The following PLCB1 variants were observed in gnomAD, a reference collection of about 807,000 sequenced individuals.
PLCB1 encodes the protein phospholipase C beta 1.
Under a neutral mutation model 161.8 loss-of-function variants are expected in PLCB1, and 46 were observed. That is an observed-to-expected ratio of 0.28 (90% CI 0.22 to 0.36). PLCB1 has a LOEUF of 0.36. PLCB1 is among the 10% of genes least tolerant of loss of function. PLCB1 has a pLI of 1.00. For synonymous variants in PLCB1, 517 were observed against 503.7 expected (o/e 1.03, Z -0.35); for missense variants, 1,016 against 1,472.5 (o/e 0.69, Z 5.07).
chr20:8,754,419 T>A (rs1981637846), intron 23 of PLCB1, among the ~76,000 whole-genome samples: 1 of 151,840 alleles, frequency 6.6e-6, no homozygotes, highest in Admixed American at 6.6e-5. Flanking sequence ...GCCACCATTA[T>A]TACTTTCACA....
chr20:8,192,203 T>C (rs1261557325), intron 2 of PLCB1, among the ~76,000 whole-genome samples: 1 of 152,036 alleles, frequency 6.6e-6, no homozygotes, highest in African/African-American at 2.4e-5. Flanking sequence ...TAAAAGCCTC[T>C]TCCTGAAGAC....
chr20:8,539,487 T>A (rs1985185501), intron 3 of PLCB1, among the ~76,000 whole-genome samples: 1 of 152,172 alleles, frequency 6.6e-6, no homozygotes, highest in Non-Finnish European at 1.5e-5. Flanking sequence ...GAATTAAAGA[T>A]GATTAACAAG....
At chr20:8,551,620 C>A (rs541337480) in intron 3 of PLCB1, among the ~76,000 whole-genome samples, 15 of 152,238 alleles carry the variant, frequency 9.9e-5, no homozygotes, top group Middle Eastern at 3.4e-3. Context: ...AGCCCTCAAA[C>A]CATGATCTAT....
At chr20:8,571,057 T>C (rs1260602911) in intron 3 of PLCB1, among the ~76,000 whole-genome samples, 1 of 152,220 alleles carries the variant, frequency 6.6e-6, no homozygotes, top group Non-Finnish European at 1.5e-5. Flanking sequence ...GAATGGTATG[T>C]AGGCACCAGG....
chr20:8,790,334 T>C, intron 31 of PLCB1, 73 bp downstream of exon 31: 1 of 1,097,186 alleles, frequency 9.1e-7, no homozygotes, highest in South Asian at 1.3e-5. Flanking sequence ...ACCTTCCTGG[T>C]TTACATAAGT....
chr20:8,245,228 T>C (rs138440164), intron 2 of PLCB1, among the ~76,000 whole-genome samples: 80 of 151,980 alleles, frequency 5.3e-4, no homozygotes, highest in Middle Eastern at 3.4e-3. Flanking sequence ...CTCTCTATTG[T>C]CACAACCTAT....
At chr20:8,668,855 A>T (rs1334000955) in intron 9 of PLCB1, among the ~76,000 whole-genome samples, 1 of 152,360 alleles carries the variant, frequency 6.6e-6, no homozygotes, top group East Asian at 1.9e-4. Context: ...TATAAAAAGG[A>T]TATTCCCACC....
intron 11 of PLCB1, among the ~76,000 whole-genome samples, chr20:8,706,272 C>G (rs1333787059): frequency 6.6e-6 from 1 of 152,132 alleles, no homozygotes; most frequent in Non-Finnish European, 1.5e-5. Flanking sequence ...ATACACAGGC[C>G]CTTGGCCAAA....
intron 2 of PLCB1, among the ~76,000 whole-genome samples, chr20:8,214,213 G>A (rs773517332): frequency 5.3e-5 from 8 of 152,148 alleles, no homozygotes; most frequent in South Asian, 4.1e-4. Context: ...GATCTGTGTC[G>A]CTGCACAAAT....
At chr20:8,330,048 G>A (rs569243001) in intron 2 of PLCB1, among the ~76,000 whole-genome samples, 5 of 152,032 alleles carry the variant, frequency 3.3e-5, no homozygotes, top group South Asian at 4.2e-4. Context: ...TTCTTTCCTC[G>A]GGCAAAAACC....
At chr20:8,878,923 T>C (rs902898481) in intron 31 of PLCB1, among the ~76,000 whole-genome samples, 2 of 152,104 alleles carry the variant, frequency 1.3e-5, no homozygotes, top group African/African-American at 4.8e-5. Flanking sequence ...ATAAACATAG[T>C]ACCCAGCAAT....
chr20:8,433,519 C>G (rs1980152517), intron 3 of PLCB1, among the ~76,000 whole-genome samples: 1 of 146,890 alleles, frequency 6.8e-6, no homozygotes, highest in Non-Finnish European at 1.5e-5. Flanking sequence ...ATGTCACACT[C>G]TATCTGAGTG....
intron 2 of PLCB1, among the ~76,000 whole-genome samples, chr20:8,274,975 T>C (rs1454194406): frequency 6.6e-6 from 1 of 152,162 alleles, no homozygotes; most frequent in Admixed American, 6.6e-5. Flanking sequence ...TGCCCTTTTT[T>C]AAAAATCTTG....
At chr20:8,273,715 A>C (rs1386252342) in intron 2 of PLCB1, among the ~76,000 whole-genome samples, 6 of 152,198 alleles carry the variant, frequency 3.9e-5, no homozygotes, top group Admixed American at 6.5e-5. Context: ...TATTTCAAGA[A>C]GTTGATTTCC....
chr20:8,585,249 G>T lies in PLCB1; in HGVS notation c.247-43045G>T, dbSNP rs534464615. Reference sequence around the variant, plus strand: ...AGGTCTTTTCAGACATTCCTTACCTGCCAGAGGTAAGACTTTCTCTGTGCA... The same window carrying T: ...AGGTCTTTTCAGACATTCCTTACCTTCCAGAGGTAAGACTTTCTCTGTGCA... On this transcript the variant is annotated intron_variant, in intron 3 of 31. Coordinates refer to ENST00000338037, the MANE Select transcript of PLCB1 (RefSeq NM_015192.4). Among the ~76,000 whole-genome samples, 10 of 152,228 alleles carry T rather than the reference G, an allele frequency of 6.6e-5. 2 individuals are homozygous for T. The highest frequency in any genetic ancestry group is 2.4e-4 in the African/African-American group (10 of 41,534).
intron 2 of PLCB1, among the ~76,000 whole-genome samples, chr20:8,358,797 T>C (rs1986446986): frequency 6.6e-6 from 1 of 152,258 alleles, no homozygotes; most frequent in Admixed American, 6.5e-5. Context: ...AACATTCTCT[T>C]GCCTTAATGC....
intron 3 of PLCB1, among the ~76,000 whole-genome samples, chr20:8,440,702 T>C (rs1600402118): frequency 6.6e-6 from 1 of 152,086 alleles, no homozygotes; most frequent in East Asian, 1.9e-4. Flanking sequence ...TATAGCTAGA[T>C]AGGAGGAATA....
At chr20:8,182,266 G>A (rs1217863309) in intron 2 of PLCB1, among the ~76,000 whole-genome samples, 4 of 152,286 alleles carry the variant, frequency 2.6e-5, no homozygotes, top group African/African-American at 9.6e-5. Flanking sequence ...CCTCTTTGCA[G>A]TTTGACTTTG....
At chr20:8,764,123 C>T (rs548484722) in intron 25 of PLCB1, among the ~76,000 whole-genome samples, 7 of 152,166 alleles carry the variant, frequency 4.6e-5, no homozygotes, top group South Asian at 2.1e-4. Flanking sequence ...GCTGAGATCA[C>T]GCCACTGCAC....
Sources: gnomAD v4.1 joint callset for allele counts (sites outside exome capture counted in the v4.1 genomes callset) on GRCh38, gnomAD v4.1.1 for gene constraint, MANE v1.5 for transcripts, NCBI Gene and HGNC (gene_info 2026-07-23, HGNC 2026-07-21) for gene names.